The following ADAMTS17 variants were observed in gnomAD, a reference collection of about 807,000 sequenced individuals.
ADAMTS17 encodes A disintegrin and metalloproteinase with thrombospondin motifs 17.
Under a neutral mutation model 141.5 loss-of-function variants are expected in ADAMTS17, and 113 were observed. That is an observed-to-expected ratio of 0.80 (90% confidence interval 0.69 to 0.93). The LOEUF is 0.93. Ranked by LOEUF, ADAMTS17 falls within the 40% of genes least tolerant of loss-of-function variation. The pLI, the probability that ADAMTS17 is intolerant of heterozygous loss-of-function variation, is 0.00. For missense variants in ADAMTS17, 1,659 were observed against 1,517.9 expected (o/e 1.09, Z -1.54); for synonymous variants, 768 against 630.6 (o/e 1.22, Z -3.27).
intron 15 of ADAMTS17, among the ~76,000 whole-genome samples, chr15:100,054,617 C>T (rs1202671581): frequency 1.3e-5 from 2 of 152,168 alleles, no homozygotes; most frequent in Non-Finnish European, 2.9e-5. Flanking sequence ...ATAACCATTA[C>T]TCTGTTAAGT....
At chr15:99,992,331 A>G (rs978579808) in intron 20 of ADAMTS17, among the ~76,000 whole-genome samples, 3 of 152,210 alleles carry the variant, frequency 2.0e-5, no homozygotes, top group Non-Finnish European at 4.4e-5. Context: ...AAGACCATAC[A>G]GAAGGACAAA....
intron 2 of ADAMTS17, among the ~76,000 whole-genome samples, chr15:100,339,859 C>T (rs1415243685): frequency 6.6e-6 from 1 of 152,174 alleles, no homozygotes; most frequent in African/African-American, 2.4e-5. Flanking sequence ...CAGAGATACC[C>T]GCAGGACTGG....
chr15:100,282,166 C>CA (rs1472733650), intron 3 of ADAMTS17, among the ~76,000 whole-genome samples: 1 of 152,220 alleles, frequency 6.6e-6, no homozygotes, highest in Non-Finnish European at 1.5e-5. Context: ...ACCAACACAA[C>CA]AGGTTGATAT....
intron 7 of ADAMTS17, among the ~76,000 whole-genome samples, chr15:100,231,813 G>A (rs533034109): frequency 3.3e-5 from 5 of 152,128 alleles, no homozygotes; most frequent in South Asian, 2.1e-4. Context: ...CCTCAGATTC[G>A]CCCCTGATTG....
chr15:99,975,273 G>A lies in ADAMTS17; in HGVS notation c.3128-711C>T, dbSNP rs1235391358. On this transcript the variant is annotated intron_variant, in intron 21 of 21. Coordinates refer to ENST00000268070, the MANE Select transcript of ADAMTS17 (RefSeq NM_139057.4). Reference sequence around the variant, plus strand: ...TGCCCAGGCTGGAGTGCAGTGGCACGATCTCGGCTCACTACAACCTCTGCC... The same window carrying A: ...TGCCCAGGCTGGAGTGCAGTGGCACAATCTCGGCTCACTACAACCTCTGCC... 4.6e-5 allele frequency among the ~76,000 whole-genome samples: 7 copies of A among 152,284 alleles called. No individual in the cohort carries two copies. In the East Asian group the frequency reaches 1.2e-3, roughly 25 times the overall value.
intron 15 of ADAMTS17, chr15:100,063,726 G>A (rs1596327990): frequency 7.8e-7 from 1 of 1,290,094 alleles, no homozygotes; most frequent in Non-Finnish European, 1.0e-6. Flanking sequence ...GATCCTCCGA[G>A]CTCCAGCAGG....
chr15:100,179,379 A>T (rs1230060914), intron 8 of ADAMTS17, among the ~76,000 whole-genome samples: 1 of 152,156 alleles, frequency 6.6e-6, no homozygotes, highest in Non-Finnish European at 1.5e-5. Context: ...CGTTGTTGCA[A>T]GTGACAGGAT....
intron 18 of ADAMTS17, among the ~76,000 whole-genome samples, chr15:100,034,185 C>T (rs1183887904): frequency 6.6e-6 from 1 of 152,242 alleles, no homozygotes; most frequent in Non-Finnish European, 1.5e-5. Context: ...GATTACAATT[C>T]TCCTGGGAAG....
At chr15:100,319,792 CG>C (rs1431399255) in intron 3 of ADAMTS17, among the ~76,000 whole-genome samples, 3 of 151,542 alleles carry the variant, frequency 2.0e-5, no homozygotes, top group Non-Finnish European at 4.4e-5. Context: ...AGGTGGGGCG[CG>C]GTGGCTCACA....
chr15:100,053,792 C>T (rs2032328649), intron 16 of ADAMTS17, 105 bp downstream of exon 16: 8 of 1,551,632 alleles, frequency 5.2e-6, no homozygotes, highest in Admixed American at 5.0e-5. Context: ...AAGCCAGATG[C>T]ATTTCCTGCC....
intron 18 of ADAMTS17, among the ~76,000 whole-genome samples, chr15:100,013,448 T>A (rs1198396961): frequency 1.3e-5 from 2 of 152,210 alleles, no homozygotes; most frequent in African/African-American, 4.8e-5. Flanking sequence ...AGAGTGGGCA[T>A]CCTTGTCTTG....
chr15:100,234,966 G>A (rs547695757), intron 7 of ADAMTS17, among the ~76,000 whole-genome samples: 9 of 152,304 alleles, frequency 5.9e-5, no homozygotes, highest in African/African-American at 2.2e-4. Context: ...GAACATGAGG[G>A]AAGAGGCATG....
intron 7 of ADAMTS17, among the ~76,000 whole-genome samples, chr15:100,252,117 G>A (rs995638223): frequency 1.3e-5 from 2 of 152,188 alleles, no homozygotes; most frequent in South Asian, 4.1e-4. Context: ...TTCACCAGGG[G>A]CCTGAACACA....
chr15:100,281,325 C>T lies in ADAMTS17; in HGVS notation c.693G>A (p.Glu231=). 1 of 1,610,458 alleles carries T rather than the reference C, an allele frequency of 6.2e-7. No individual in the cohort carries two copies. The highest frequency in any genetic ancestry group is 8.5e-7 in the Non-Finnish European group (1 of 1,179,998). Reference sequence around the variant, plus strand: ...CCACCACCAGGGTCTCCACCGTGTGCTCGCTGGTGAGCCGGATAGCGTTCC... The same window carrying T: ...CCACCACCAGGGTCTCCACCGTGTGTTCGCTGGTGAGCCGGATAGCGTTCC... The part of the protein sequence containing the change: ...ERRNAIRLTS[E]HTVETLVVAD... Residue 231 remains glutamate, a synonymous_variant, in exon 4 of 22, where the codon GAG becomes GAA. Coordinates refer to ENST00000268070, the MANE Select transcript of ADAMTS17 (RefSeq NM_139057.4).
At chr15:100,238,290 A>G (rs1283768380) in intron 7 of ADAMTS17, among the ~76,000 whole-genome samples, 1 of 151,572 alleles carries the variant, frequency 6.6e-6, no homozygotes, top group Non-Finnish European at 1.5e-5. Context: ...TCTGCTTTCC[A>G]TGTTCCCTTT....
intron 11 of ADAMTS17, among the ~76,000 whole-genome samples, chr15:100,132,658 T>C (rs2038111842): frequency 6.6e-6 from 1 of 152,234 alleles, no homozygotes; most frequent in Admixed American, 6.5e-5. Flanking sequence ...CCTGAGGTGC[T>C]AGGTGTGATT....
intron 4 of ADAMTS17, among the ~76,000 whole-genome samples, chr15:100,266,790 G>A (rs941710292): frequency 6.6e-6 from 1 of 152,138 alleles, no homozygotes; most frequent in Non-Finnish European, 1.5e-5. Context: ...CTGGTTCTCT[G>A]CAGGGCACTT....
rs139079886 is a variant in ADAMTS17, at chr15:100,226,821, T to C, written c.1075+27315A>G. 1.6e-3 allele frequency among the ~76,000 whole-genome samples: 249 copies of C among 152,322 alleles called. 2 individuals are homozygous for C. Among genetic ancestry groups the C allele is most frequent in the African/African-American group, 5.7e-3 (237 of 41,552 alleles). ...GAATTCATTGGTTGGTTTGATCTAA[T>C]ACAGTATCTGGTACACAGTTGGTAA... On this transcript the variant is annotated intron_variant, in intron 7 of 21. Transcript: ENST00000268070.
At chr15:100,269,663 G>C (rs2043836586) in intron 4 of ADAMTS17, among the ~76,000 whole-genome samples, 1 of 152,148 alleles carries the variant, frequency 6.6e-6, no homozygotes, top group Admixed American at 6.5e-5. Flanking sequence ...AGGAGGGACA[G>C]TAGACAGTCA....
Sources: gnomAD v4.1 joint callset for allele counts (sites outside exome capture counted in the v4.1 genomes callset) on GRCh38, gnomAD v4.1.1 for gene constraint, MANE v1.5 for transcripts, NCBI Gene and HGNC (gene_info 2026-07-23, HGNC 2026-07-21) for gene names.